FAM120A: variants seen among roughly 807,000 people sequenced by gnomAD.
FAM120A encodes the protein constitutive coactivator of PPAR-gamma-like protein 1.
In FAM120A, 15 loss-of-function variants were observed where a neutral mutation model predicts 109.7. The ratio of observed to expected loss-of-function variants is 0.14; its 90% CI spans 0.09 to 0.21. FAM120A has a LOEUF of 0.21. Among genes scored for constraint, FAM120A ranks in the 10% least tolerant of loss-of-function variants. The pLI is 1.00. For synonymous variants in FAM120A, 493 were observed against 572.8 expected, an observed-to-expected ratio of 0.86 and a Z score of 1.99; for missense variants, 899 against 1,439.3, an observed-to-expected ratio of 0.62 and a Z score of 6.07.
chr9:93,542,864 C>G (rs764517327), intron 10 of FAM120A, among the ~76,000 whole-genome samples: 2 of 152,178 alleles, frequency 1.3e-5, no homozygotes, highest in Non-Finnish European at 2.9e-5. Flanking sequence ...CCACATACTT[C>G]CGTGAATTAC....
At chr9:93,550,439 A>G in intron 11 of FAM120A, 138 bp from the exon 12 acceptor site, 1 of 628,652 alleles carries the variant, frequency 1.6e-6, no homozygotes, top group Non-Finnish European at 2.9e-6. Flanking sequence ...GTAGAAAAGT[A>G]GAAAAGCTGA....
chr9:93,554,898 G>A (rs944746027), intron 12 of FAM120A, among the ~76,000 whole-genome samples: 1 of 152,194 alleles, frequency 6.6e-6, no homozygotes, highest in African/African-American at 2.4e-5. Flanking sequence ...TGACTGGAAG[G>A]GATTTGTGGT....
chr9:93,514,618 ACAT>A (rs1160103923), intron 5 of FAM120A, among the ~76,000 whole-genome samples: 1 of 152,138 alleles, frequency 6.6e-6, no homozygotes, highest in African/African-American at 2.4e-5. Context: ...TCAGCTTGAC[ACAT>A]CATAGGCCCT....
At chr9:93,542,615 GA>G (rs1861745405) in intron 10 of FAM120A, among the ~76,000 whole-genome samples, 1 of 152,198 alleles carries the variant, frequency 6.6e-6, no homozygotes, top group Non-Finnish European at 1.5e-5. Flanking sequence ...TTGCTGAATA[GA>G]ATTACTGTGT....
At chr9:93,513,128 C>T (rs547784551) in intron 5 of FAM120A, among the ~76,000 whole-genome samples, 113 of 152,356 alleles carry the variant, frequency 7.4e-4, no homozygotes, top group Middle Eastern at 6.8e-3. Context: ...AGACATTTTA[C>T]ATTGATTTAA....
At chr9:93,505,858 T>C (rs1860029023) in intron 5 of FAM120A, among the ~76,000 whole-genome samples, 1 of 151,858 alleles carries the variant, frequency 6.6e-6, no homozygotes, top group Non-Finnish European at 1.5e-5. Context: ...TTTATGATTT[T>C]GCCCTTTGAT....
In FAM120A at chr9:93,550,558, T is replaced by C. The variant is rs2131543696; in HGVS notation, c.2160-19T>C. On this transcript the variant is annotated intron_variant, in intron 11 of 17. Transcript: ENST00000277165. The stretch of plus-strand genomic sequence containing the variant: ...GACCACTCAGTAATCACCAACCTTT[T>C]GTTTCTGCCCCTCACCAGGTACATG... 1 of 1,604,426 alleles carries C rather than the reference T, an allele frequency of 6.2e-7. No individual in the cohort carries two copies. Among genetic ancestry groups the C allele is most frequent in the Non-Finnish European group, 8.5e-7 (1 of 1,172,420 alleles).
At chr9:93,465,185 C>A (rs779186576) in intron 1 of FAM120A, among the ~76,000 whole-genome samples, 7 of 152,204 alleles carry the variant, frequency 4.6e-5, no homozygotes, top group Non-Finnish European at 1.0e-4. Context: ...TTTGATGCAA[C>A]CCAGAATCTT....
intron 1 of FAM120A, among the ~76,000 whole-genome samples, chr9:93,467,293 C>T (rs1197245656): frequency 1.5e-5 from 2 of 137,180 alleles, no homozygotes; most frequent in African/African-American, 2.7e-5. Flanking sequence ...AACCACACTT[C>T]CATTATTCAC....
At chr9:93,496,922 C>G (rs1271764960) in intron 3 of FAM120A, among the ~76,000 whole-genome samples, 1 of 152,316 alleles carries the variant, frequency 6.6e-6, no homozygotes, top group South Asian at 2.1e-4. Context: ...CCTCAACAGG[C>G]AGTGATACCA....
intron 5 of FAM120A, among the ~76,000 whole-genome samples, chr9:93,506,100 C>T (rs988188822): frequency 6.6e-6 from 1 of 152,182 alleles, no homozygotes; most frequent in African/African-American, 2.4e-5. Flanking sequence ...TGTAATAATA[C>T]TTGATGTCTG....
intron 2 of FAM120A, 55 bp downstream of exon 2, chr9:93,471,442 A>G: frequency 6.3e-7 from 1 of 1,596,854 alleles, no homozygotes; most frequent in Non-Finnish European, 8.6e-7. Flanking sequence ...TGATAAGCAC[A>G]TTGATCTTTT....
At position 93,452,583 on chromosome 9, in the gene FAM120A, C is replaced by G. The variant is rs1231456470; in HGVS notation, c.474+194C>G. On this transcript the variant is annotated intron_variant, in intron 1 of 17. Coordinates refer to ENST00000277165, the MANE Select transcript of FAM120A (RefSeq NM_014612.5). This position sits in a 1 kb window ranked among gnomAD's most constrained non-coding sequence, Gnocchi z 7.0. ...GGGTGCAGGCCGCGCGCTGCCCAAG[C>G]CCGTCTCCAGCTGTCCCTGTTCGGG... The G allele has an allele frequency of 6.3e-7, 1 of 1,596,878 alleles. No homozygotes were observed. Among genetic ancestry groups the G allele is most frequent in the East Asian group, 2.2e-5 (1 of 44,820 alleles).
At chr9:93,560,624 T>A (rs193139491) in intron 15 of FAM120A, among the ~76,000 whole-genome samples, 2 of 152,386 alleles carry the variant, frequency 1.3e-5, no homozygotes, top group African/African-American at 4.8e-5. Flanking sequence ...AACTTACAAT[T>A]TGCAGTAATC....
chr9:93,539,581 C>G (rs1389603030), intron 10 of FAM120A, among the ~76,000 whole-genome samples: 1 of 152,216 alleles, frequency 6.6e-6, no homozygotes, highest in Non-Finnish European at 1.5e-5. Flanking sequence ...CTACCATGCT[C>G]TAAGTCCCAG....
intron 1 of FAM120A, among the ~76,000 whole-genome samples, chr9:93,458,382 C>A (rs1386955548): frequency 6.6e-6 from 1 of 152,030 alleles, no homozygotes; most frequent in Non-Finnish European, 1.5e-5. Context: ...CTAGCTTGAA[C>A]TTCATGATCA....
intron 11 of FAM120A, among the ~76,000 whole-genome samples, chr9:93,550,079 C>T (rs892180630): frequency 2.6e-5 from 4 of 152,350 alleles, no homozygotes; most frequent in Middle Eastern, 3.4e-3. Context: ...GACTCCCGCT[C>T]ACCTTGTGGT....
At chr9:93,538,039 C>CT (rs3841292) in intron 10 of FAM120A, among the ~76,000 whole-genome samples, 3,446 of 146,978 alleles carry the variant, frequency 0.023, 128 homozygotes, top group African/African-American at 0.08. Context: ...TCCTTGTACT[C>CT]TTTTTTTTTT....
intron 5 of FAM120A, 122 bp downstream of exon 5, chr9:93,499,008 T>TG: frequency 1.4e-6 from 1 of 730,676 alleles, no homozygotes; most frequent in South Asian, 1.6e-5. Flanking sequence ...GTTATGCCAG[T>TG]AAGTATAGCC....
Sources: allele counts gnomAD v4.1 joint callset (sites outside exome capture counted in the v4.1 genomes callset), GRCh38; gene constraint gnomAD v4.1.1; non-coding constraint Gnocchi (gnomAD v3.1); transcripts MANE v1.5; gene names NCBI Gene and HGNC (gene_info 2026-07-23, HGNC 2026-07-21).